DNM1: variants seen among roughly 807,000 people sequenced by gnomAD.
DNM1 encodes the protein dynamin 1.
Under a neutral mutation model 104.6 loss-of-function variants are expected in DNM1, and 29 were observed. That is an observed-to-expected ratio of 0.28 (90% CI 0.21 to 0.38). DNM1 has a LOEUF of 0.38. Ranked by LOEUF, DNM1 falls within the 10% of genes least tolerant of loss-of-function variation. DNM1 has a pLI of 1.00. For synonymous variants in DNM1, 445 were observed against 475.8 expected (o/e 0.94, Z 0.84); for missense variants, 640 against 1,189.4 (o/e 0.54, Z 6.79).
At chr9:128,214,565 G>T (rs1834493415) in intron 1 of DNM1, among the ~76,000 whole-genome samples, 1 of 152,166 alleles carries the variant, frequency 6.6e-6, no homozygotes, top group South Asian at 2.1e-4. Flanking sequence ...TAGGGGTAGG[G>T]GTAGGGGTCA....
At position 128,222,149 on chromosome 9, in the gene DNM1, G is replaced by C; in HGVS notation, c.850-48G>C. The C allele has an allele frequency of 6.4e-7, 1 of 1,571,102 alleles. No individual in the cohort carries two copies. The highest frequency in any genetic ancestry group is 8.6e-7 in the Non-Finnish European group (1 of 1,156,902). ...TCCCCTGGCATCCAAGTCCCTTCCT[G>C]GCCCTGTGACCATCTGTCCTCAACC... On this transcript the variant is annotated intron_variant, in intron 6 of 21. Coordinates refer to ENST00000372923, the MANE Select transcript of DNM1 (RefSeq NM_004408.4). The surrounding 1 kb of genome is among the most constrained non-coding windows in gnomAD (Gnocchi z 7.8).
Position 128,239,533 on chromosome 9 carries a change from CA to C in DNM1, c.1493+23del. On this transcript the variant is annotated intron_variant, in intron 12 of 21. Transcript: ENST00000372923. Reference sequence around the variant, plus strand: ...TTTGCCAAGTGAGTGCTCCCCCAGGCAAAAAGTGAGTGCTCCCTGGGCAGAG... The same window carrying C: ...TTTGCCAAGTGAGTGCTCCCCCAGGCAAAAGTGAGTGCTCCCTGGGCAGAG... 1 of 1,606,900 alleles carries C rather than the reference CA, an allele frequency of 6.2e-7. No homozygotes were observed. The highest frequency in any genetic ancestry group is 8.5e-7 in the Non-Finnish European group (1 of 1,175,322).
intron 1 of DNM1, among the ~76,000 whole-genome samples, chr9:128,214,681 C>T (rs2131130835): frequency 6.6e-6 from 1 of 152,316 alleles, no homozygotes. Context: ...TGTTTCGTCC[C>T]CTCATGTTTC....
At chr9:128,251,019 A>T in intron 21 of DNM1, 79 bp downstream of exon 21, 1 of 952,982 alleles carries the variant, frequency 1.0e-6, no homozygotes, top group East Asian at 2.7e-5. Context: ...ATTCCAGAGC[A>T]TCGGACCTGG....
At chr9:128,238,515 C>T (rs887591383) in intron 11 of DNM1, among the ~76,000 whole-genome samples, 4 of 152,080 alleles carry the variant, frequency 2.6e-5, no homozygotes, top group South Asian at 2.1e-4. Context: ...TGAGCCACTG[C>T]GCCTGGCTAA....
rs756455557 is a variant in DNM1, at chr9:128,240,046, G to A, written c.1557+50G>A. ...GGCTTGTGTAGTGAGGGGGCGGAGG[G>A]TCCATCGGCAGTGGGGATCTGCAAC... On this transcript the variant is annotated intron_variant, in intron 14 of 21. Transcript: ENST00000372923. The surrounding 1 kb of genome is among the most constrained non-coding windows in gnomAD (Gnocchi z 5.1). 6.2e-7 allele frequency: 1 copy of A among 1,610,180 alleles called. No homozygotes were observed. The highest frequency in any genetic ancestry group is 1.3e-5 in the African/African-American group (1 of 74,942).
chr9:128,239,721 C>G lies in DNM1; in HGVS notation c.1494-7C>G, dbSNP rs1185359925. On this transcript the variant is annotated splice_region_variant and splice_polypyrimidine_tract_variant and intron_variant, in intron 12 of 21. Transcript: ENST00000372923. ...AGTTCTGAGACTCCTCCCCTCCCTCCCATTAGTGCTCAGCAGAGGAGCAAC... is the reference window on the plus strand; with the variant it reads ...AGTTCTGAGACTCCTCCCCTCCCTCGCATTAGTGCTCAGCAGAGGAGCAAC... The G allele has an allele frequency of 6.2e-7, 1 of 1,612,830 alleles. No homozygotes were observed. The highest frequency in any genetic ancestry group is 2.2e-5 in the East Asian group (1 of 44,838).
chr9:128,204,539 G>C (rs10987928), intron 1 of DNM1, among the ~76,000 whole-genome samples: 141,779 of 152,274 alleles, frequency 0.93, 66,446 homozygotes, highest in Non-Finnish European at 0.98. Context: ...ACAAAGGGTC[G>C]TGGGTTTAGC....
chr9:128,236,771 G>C (rs1228300486), intron 11 of DNM1, among the ~76,000 whole-genome samples: 1 of 152,188 alleles, frequency 6.6e-6, no homozygotes, highest in East Asian at 1.9e-4. Context: ...AGGGTCGCCT[G>C]AGCCCAGGAA....
intron 11 of DNM1, among the ~76,000 whole-genome samples, chr9:128,237,292 C>T (rs1342129529): frequency 6.6e-6 from 1 of 151,226 alleles, no homozygotes; most frequent in Non-Finnish European, 1.5e-5. Context: ...GACGGAGTCT[C>T]TCTCAGTTGC....
Position 128,219,100 on chromosome 9 carries a change from G to C in DNM1, c.437G>C (p.Gly146Ala). 1 of 1,614,118 alleles carries C rather than the reference G, an allele frequency of 6.2e-7. No individual in the cohort carries two copies. The highest frequency in any genetic ancestry group is 2.2e-5 in the East Asian group (1 of 44,870). ...DLPGMTKVPV[G>A]DQPPDIEFQI... The stretch of plus-strand genomic sequence containing the variant: ...CCCGGAATGACCAAGGTCCCGGTGG[G>C]GGACCAACCTCCCGACATCGAGTTC... The change falls in exon 4 of 22, where the codon GGG becomes GCG. Residue 146 changes from glycine to alanine, a missense_variant. Physicochemically the swap from Gly to Ala is moderately conservative, Grantham distance 60 (BLOSUM62 0). Transcript: ENST00000372923.
At chr9:128,234,366 C>T (rs1835881106) in intron 11 of DNM1, among the ~76,000 whole-genome samples, 2 of 152,268 alleles carry the variant, frequency 1.3e-5, no homozygotes, top group East Asian at 1.9e-4. Context: ...CATCCATCCA[C>T]AGAACTGTTT....
chr9:128,218,876 C>A lies in DNM1; in HGVS notation c.385+145C>A. On this transcript the variant is annotated intron_variant, in intron 3 of 21. Transcript: ENST00000372923. This position sits in a 1 kb window ranked among gnomAD's most constrained non-coding sequence, Gnocchi z 4.8. ...TTCCAAGCTCCACCCTGCCGTGATTCCGCCCACTTCCGGCCACGCCTCCAA... is the reference window on the plus strand; with the variant it reads ...TTCCAAGCTCCACCCTGCCGTGATTACGCCCACTTCCGGCCACGCCTCCAA... 5 of 1,316,070 alleles carry A rather than the reference C, an allele frequency of 3.8e-6. No homozygotes were observed. The highest frequency in any genetic ancestry group is 2.1e-6 in the Non-Finnish European group (2 of 972,788). The allele number at this position is 1,316,070 out of a possible 1,614,324, so 81.5% of individuals were successfully genotyped here. A position where few individuals can be genotyped will look rare whatever the true frequency, so the allele number is the denominator to read the frequency against.
rs1836285778 is a variant in DNM1, at chr9:128,240,306, G to A, written c.1557+310G>A. ...CTGCTGGATGGAGGGATGCACGTGA[G>A]CAAGACACATTTTTAAGAAGCTGAC... On this transcript the variant is annotated intron_variant, in intron 14 of 21. Transcript: ENST00000372923. The surrounding 1 kb of genome is among the most constrained non-coding windows in gnomAD (Gnocchi z 5.1). The A allele has an allele frequency of 2.6e-6, 1 of 387,848 alleles. No individual in the cohort carries two copies. The highest frequency in any genetic ancestry group is 4.7e-6 in the Non-Finnish European group (1 of 213,226). The allele number at this position is 387,848 out of a possible 1,614,324, so 24.0% of individuals were successfully genotyped here.
In DNM1 at chr9:128,248,454, T is replaced by A. The variant is rs1330806747; in HGVS notation, c.1906-129T>A. 1 of 1,023,500 alleles carries A rather than the reference T, an allele frequency of 9.8e-7. No homozygotes were observed. The highest frequency in any genetic ancestry group is 1.6e-5 in the African/African-American group (1 of 62,206). 63.4% of individuals were successfully genotyped at this position (1,023,500 alleles called of 1,614,324 possible). A position where few individuals can be genotyped will look rare whatever the true frequency, so the allele number is the denominator to read the frequency against. On this transcript the variant is annotated intron_variant, in intron 18 of 21. Transcript: ENST00000372923. This position sits in a 1 kb window ranked among gnomAD's most constrained non-coding sequence, Gnocchi z 5.6. Reference sequence around the variant, plus strand: ...GCACAGGGATGCGGAGCCAGGTATGTATTCAGGCCAGTCGCTTCTCTCTGT... The same window carrying A: ...GCACAGGGATGCGGAGCCAGGTATGAATTCAGGCCAGTCGCTTCTCTCTGT...
In DNM1 at chr9:128,224,651, A is replaced by T. The variant is rs890120276; in HGVS notation, c.1335+262A>T. 1.3e-5 allele frequency among the ~76,000 whole-genome samples: 2 copies of T among 151,906 alleles called. No individual in the cohort carries two copies. The highest frequency in any genetic ancestry group is 4.8e-5 in the African/African-American group (2 of 41,366). On this transcript the variant is annotated intron_variant, in intron 10 of 21. Coordinates refer to ENST00000372923, the MANE Select transcript of DNM1 (RefSeq NM_004408.4). This position sits in a 1 kb window ranked among gnomAD's most constrained non-coding sequence, Gnocchi z 4.3. ...TGGCTGTTTACCCCAAGAGCCCACC[A>T]AGAGCTCCCCCAGCTCAGAGAATAG... is the stretch of plus-strand genomic sequence containing the variant.
intron 21 of DNM1, chr9:128,252,727 G>A: frequency 3.8e-6 from 2 of 528,950 alleles, no homozygotes; most frequent in Admixed American, 2.2e-5. Context: ...CTATCTCCAT[G>A]AGCAGCACGG....
Position 128,240,057 on chromosome 9 carries a change from G to A in DNM1, c.1557+61G>A. 1 of 1,597,238 alleles carries A rather than the reference G, an allele frequency of 6.3e-7. No individual in the cohort carries two copies. The highest frequency in any genetic ancestry group is 8.6e-7 in the Non-Finnish European group (1 of 1,165,112). On this transcript the variant is annotated intron_variant, in intron 14 of 21. Transcript: ENST00000372923. The surrounding 1 kb of genome is among the most constrained non-coding windows in gnomAD (Gnocchi z 5.1). ...TGAGGGGGCGGAGGGTCCATCGGCAGTGGGGATCTGCAACGGGTAGGAGGG... is the reference window on the plus strand; with the variant it reads ...TGAGGGGGCGGAGGGTCCATCGGCAATGGGGATCTGCAACGGGTAGGAGGG...
chr9:128,220,271 T>C lies in DNM1; in HGVS notation c.779T>C (p.Leu260Pro). 1 of 1,614,168 alleles carries C rather than the reference T, an allele frequency of 6.2e-7. No individual in the cohort carries two copies. Among genetic ancestry groups the C allele is most frequent in the African/African-American group, 1.3e-5 (1 of 75,036 alleles). The change falls in exon 6 of 22, where the codon CTC (leucine) becomes CCC (proline). Residue 260 changes from leucine to proline, a missense_variant. This residue lies in a region of DNM1 where 81 missense variants were observed against 99.8 expected (regional missense o/e 0.81). Transcript: ENST00000372923. This position sits in a 1 kb window ranked among gnomAD's most constrained non-coding sequence, Gnocchi z 5.2. ...AALAAERKFF[L>P]SHPSYRHLAD... ...TTGGCTGCTGAACGAAAGTTCTTCC[T>C]CTCCCATCCATCTTATCGCCACTTG...
Sources: allele counts gnomAD v4.1 joint callset (sites outside exome capture counted in the v4.1 genomes callset), GRCh38; gene constraint gnomAD v4.1.1; regional missense constraint gnomAD v4.1.1; non-coding constraint Gnocchi (gnomAD v3.1); transcripts MANE v1.5; gene names NCBI Gene and HGNC (gene_info 2026-07-23, HGNC 2026-07-21).